CNTN6: variants seen among roughly 807,000 people sequenced by gnomAD.
CNTN6 encodes the protein contactin-6.
In CNTN6, 137 loss-of-function variants were observed where a neutral mutation model predicts 122.8. That is an observed-to-expected ratio of 1.12 (90% CI 0.97 to 1.29). The LOEUF (loss-of-function observed/expected upper bound fraction) is 1.29, where lower values mean the gene tolerates loss of function less well. Among genes scored for constraint, CNTN6 ranks in the 50% most tolerant of loss-of-function variants. The pLI is 0.00. For missense variants in CNTN6, 1,634 were observed against 1,223.4 expected, an observed-to-expected ratio of 1.34 and a Z score of -5.01; for synonymous variants, 570 against 426.0, an observed-to-expected ratio of 1.34 and a Z score of -4.16.
chr3:1,198,164 A>G (rs1329943494), intron 2 of CNTN6, among the ~76,000 whole-genome samples: 1 of 152,126 alleles, frequency 6.6e-6, no homozygotes, highest in African/African-American at 2.4e-5. Flanking sequence ...TCATCTCTCA[A>G]AGAACTGCCT....
At chr3:1,375,002 G>A (rs997729001) in intron 16 of CNTN6, among the ~76,000 whole-genome samples, 2 of 152,044 alleles carry the variant, frequency 1.3e-5, no homozygotes, top group African/African-American at 4.8e-5. Flanking sequence ...ATATTAGCTG[G>A]TTGTTTGTGA....
At chr3:1,371,526 G>A (rs1039904610) in intron 12 of CNTN6, among the ~76,000 whole-genome samples, 2 of 151,914 alleles carry the variant, frequency 1.3e-5, no homozygotes, top group African/African-American at 2.4e-5. Flanking sequence ...TATTATAAAC[G>A]AAGTAGTCAT....
intron 1 of CNTN6, among the ~76,000 whole-genome samples, chr3:1,127,649 T>C (rs1050357212): frequency 3.9e-5 from 6 of 151,990 alleles, no homozygotes; most frequent in African/African-American, 1.4e-4. Context: ...AATAGGTTGA[T>C]TGAATTTTTA....
intron 1 of CNTN6, among the ~76,000 whole-genome samples, chr3:1,138,707 C>CT (rs1205531850): frequency 6.6e-6 from 1 of 151,912 alleles, no homozygotes; most frequent in Admixed American, 6.6e-5. Flanking sequence ...GCACACATTT[C>CT]TGTTTTAATA....
intron 2 of CNTN6, among the ~76,000 whole-genome samples, chr3:1,172,620 CTGTGTGTGTGTGTG>C (rs3836248): frequency 2.7e-4 from 40 of 150,108 alleles, no homozygotes; most frequent in East Asian, 5.9e-4. Flanking sequence ...CAATAACTCT[CTGTGTGTGTGTGTG>C]TGTGTGTGTG....
chr3:1,268,693 T>C (rs569166085), intron 4 of CNTN6, among the ~76,000 whole-genome samples: 2 of 152,296 alleles, frequency 1.3e-5, no homozygotes, highest in South Asian at 2.1e-4. Flanking sequence ...CTTTTTGTTT[T>C]TTTCCATTCA....
chr3:1,252,909 C>T (rs1433268320), intron 4 of CNTN6, among the ~76,000 whole-genome samples: 4 of 152,090 alleles, frequency 2.6e-5, no homozygotes, highest in African/African-American at 9.7e-5. Context: ...AAGTAATGTT[C>T]TCAGGGCATT....
rs374780235 is a variant in CNTN6, at chr3:1,220,649, A to T, written c.56-38A>T. 8 of 1,560,132 alleles carry T rather than the reference A, an allele frequency of 5.1e-6. No homozygotes were observed. The African/African-American group carries it at 1.1e-4, about 21-fold the overall frequency. On this transcript the variant is annotated intron_variant, in intron 2 of 22. Coordinates refer to ENST00000446702, the MANE Select transcript of CNTN6 (RefSeq NM_001289080.2). ...ATAGACTTGCATTCAAAACAGGGCC[A>T]CTTTTTTTTCATGTGATTTATTCTT...
chr3:1,289,947 T>G (rs1489937067), intron 5 of CNTN6, among the ~76,000 whole-genome samples: 4 of 152,184 alleles, frequency 2.6e-5, no homozygotes, highest in Admixed American at 1.3e-4. Context: ...GTGCTGGGAT[T>G]GCAGGCGTGA....
At chr3:1,132,693 C>A (rs931602972) in intron 1 of CNTN6, among the ~76,000 whole-genome samples, 1 of 80,418 alleles carries the variant, frequency 1.2e-5, no homozygotes, top group Admixed American at 1.3e-4. Context: ...AAATAAATAA[C>A]GTGAAGATGT....
chr3:1,241,959 T>A (rs9875199), intron 4 of CNTN6, among the ~76,000 whole-genome samples: 18,950 of 147,172 alleles, frequency 0.13, 1,071 homozygotes, highest in East Asian at 0.31. Flanking sequence ...CTACAGGGTG[T>A]GGTCCTGGCT....
intron 4 of CNTN6, among the ~76,000 whole-genome samples, chr3:1,259,742 C>G (rs922494547): frequency 1.3e-5 from 2 of 152,062 alleles, no homozygotes; most frequent in East Asian, 1.9e-4. Context: ...AAAACACTAG[C>G]TCTATATCTA....
At chr3:1,171,054 C>T (rs1164769512) in intron 2 of CNTN6, among the ~76,000 whole-genome samples, 1 of 152,142 alleles carries the variant, frequency 6.6e-6, no homozygotes, top group Non-Finnish European at 1.5e-5. Flanking sequence ...CAGCAATGGC[C>T]AATGCCATTG....
chr3:1,228,071 G>C, intron 4 of CNTN6, 78 bp downstream of exon 4: 1 of 1,378,854 alleles, frequency 7.3e-7, no homozygotes, highest in South Asian at 1.3e-5. Flanking sequence ...TAAAAATCTA[G>C]CTTTGCCAAT....
intron 4 of CNTN6, among the ~76,000 whole-genome samples, chr3:1,247,782 C>G (rs2094603235): frequency 6.6e-6 from 1 of 152,056 alleles, no homozygotes. Flanking sequence ...TGGTAGCTTC[C>G]TATAGCATAT....
At chr3:1,248,921 C>T (rs560841090) in intron 4 of CNTN6, among the ~76,000 whole-genome samples, 21 of 152,236 alleles carry the variant, frequency 1.4e-4, no homozygotes, top group South Asian at 6.2e-4. Flanking sequence ...ACATCTTAAC[C>T]GCTTCCTTAA....
intron 2 of CNTN6, among the ~76,000 whole-genome samples, chr3:1,161,185 T>C (rs1457491350): frequency 1.3e-5 from 2 of 151,396 alleles, no homozygotes; most frequent in East Asian, 3.9e-4. Flanking sequence ...GTTTCAGTAA[T>C]GGATATAATT....
intron 20 of CNTN6, among the ~76,000 whole-genome samples, chr3:1,393,638 A>C (rs1464141119): frequency 6.6e-6 from 1 of 151,798 alleles, no homozygotes; most frequent in African/African-American, 2.4e-5. Context: ...GAAATGTGTA[A>C]GAAACAAACA....
At chr3:1,109,676 G>A (rs2091387996) in intron 1 of CNTN6, among the ~76,000 whole-genome samples, 1 of 151,830 alleles carries the variant, frequency 6.6e-6, no homozygotes, top group Non-Finnish European at 1.5e-5. Context: ...AGTTATATCT[G>A]CAAAAATGAT....
Sources: allele counts gnomAD v4.1 joint callset (sites outside exome capture counted in the v4.1 genomes callset), GRCh38; gene constraint gnomAD v4.1.1; transcripts MANE v1.5; gene names NCBI Gene and HGNC (gene_info 2026-07-23, HGNC 2026-07-21).